LRCH3: variants seen among roughly 807,000 people sequenced by gnomAD.
LRCH3 encodes the protein leucine rich repeats and calponin homology domain containing 3, also known as DISP complex protein LRCH3.
Under a neutral mutation model 104.5 loss-of-function variants are expected in LRCH3, and 68 were observed. The ratio of observed to expected loss-of-function variants is 0.65; its 90% confidence interval spans 0.54 to 0.80. The LOEUF is 0.80. Among genes scored for constraint, LRCH3 ranks in the 30% least tolerant of loss-of-function variants. The probability of loss-of-function intolerance (pLI) is 0.00; values close to 1 mark genes in which losing one functional copy is unlikely to be tolerated. For synonymous variants in LRCH3, 344 were observed against 361.3 expected (o/e 0.95, Z 0.54); for missense variants, 951 against 953.9 (o/e 1.00, Z 0.04).
At chr3:197,882,556 T>C (rs1242722602) in intron 20 of LRCH3, 1 of 953,862 alleles carries the variant, frequency 1.0e-6, no homozygotes, top group African/African-American at 1.8e-5. Flanking sequence ...CAACTAGTTG[T>C]TTTAACAAAC....
At chr3:197,791,744 A>G (rs994335016) in intron 1 of LRCH3, among the ~76,000 whole-genome samples, 2 of 152,046 alleles carry the variant, frequency 1.3e-5, no homozygotes, top group Non-Finnish European at 2.9e-5. Flanking sequence ...GGGCGGCGGC[A>G]TCTCTCGGGG....
chr3:197,812,504 G>GTTTTTCTTTTTTTTTTTTTTT (rs1733253022), intron 1 of LRCH3, among the ~76,000 whole-genome samples: 1 of 48,956 alleles, frequency 2.0e-5, no homozygotes, highest in Non-Finnish European at 3.5e-5. Context: ...TCTGCTTTCA[G>GTTTTTCTTTTTTTTTTTTTTT]TTTTTTTTTT....
intron 1 of LRCH3, among the ~76,000 whole-genome samples, chr3:197,799,171 C>A (rs949335512): frequency 6.6e-6 from 1 of 152,188 alleles, no homozygotes; most frequent in African/African-American, 2.4e-5. Context: ...GTTCCTTTTA[C>A]AGTGGCTATA....
chr3:197,851,510 G>C (rs908689799), intron 12 of LRCH3, among the ~76,000 whole-genome samples: 1 of 152,186 alleles, frequency 6.6e-6, no homozygotes, highest in Non-Finnish European at 1.5e-5. Flanking sequence ...CCTAAGGGTT[G>C]GCAGTATTGC....
Position 197,831,852 on chromosome 3 carries a change from C to T in LRCH3, c.982-345C>T, listed in dbSNP as rs559814190. On this transcript the variant is annotated intron_variant, in intron 7 of 20. Transcript: ENST00000425562. ...CCCAGGCTAGTCTCAAACTCCTGGG[C>T]TTGTCATTCCCATCTTGGTCTCCCA... Among the ~76,000 whole-genome samples the T allele has an allele frequency of 2.3e-3, 343 of 152,156 alleles. 3 individuals are homozygous for T. The highest frequency in any genetic ancestry group is 3.6e-3 in the Non-Finnish European group (248 of 68,004).
In LRCH3 at chr3:197,888,118, A is replaced by G. The variant is rs549376874; in HGVS notation, c.*4452A>G. The stretch of plus-strand genomic sequence containing the variant: ...TGACTAATGATGTGTGACTATGCGA[A>G]TGAGTTTGATGAATTCGTAAAAACT... On this transcript the variant is annotated 3_prime_UTR_variant, in exon 21 of 21. Coordinates refer to ENST00000425562, the MANE Select transcript of LRCH3 (RefSeq NM_001365715.1). 2.0e-5 allele frequency: 3 copies of G among 152,360 alleles called. No individual in the cohort carries two copies. Among genetic ancestry groups the G allele is most frequent in the East Asian group, 1.9e-4 (1 of 5,190 alleles). The allele number at this position is 152,360 out of a possible 1,614,324, so 9.4% of individuals were successfully genotyped here.
intron 15 of LRCH3, among the ~76,000 whole-genome samples, chr3:197,865,140 A>G (rs1246466967): frequency 6.6e-6 from 1 of 152,084 alleles, no homozygotes; most frequent in East Asian, 1.9e-4. Flanking sequence ...GGAGCACACC[A>G]CAATGCCTGA....
chr3:197,820,513 A>G (rs1734365529), intron 4 of LRCH3, 83 bp downstream of exon 4: 2 of 951,870 alleles, frequency 2.1e-6, no homozygotes, highest in Non-Finnish European at 3.3e-6. Context: ...ACAAAAATGT[A>G]TAAGGGTTAC....
intron 1 of LRCH3, among the ~76,000 whole-genome samples, chr3:197,793,315 G>T (rs913677310): frequency 4.6e-5 from 7 of 152,148 alleles, no homozygotes; most frequent in Non-Finnish European, 1.0e-4. Context: ...CAGTTGAACT[G>T]AATATTTTTT....
rs201645357 is a variant in LRCH3 at position 197,814,925 on chromosome 3, C to T, written c.280C>T (p.Leu94Phe). The stretch of plus-strand genomic sequence containing the variant: ...TCTTTTAGACCTGTCGCGAAATCGC[C>T]TTTCAGAAATTCCTATAGAAGCATG... ...TTRADLSRNR[L>F]SEIPIEACHF... The change falls in exon 2 of 21, where the codon CTT (leucine) becomes TTT (phenylalanine). Residue 94 changes from leucine to phenylalanine, a missense_variant. Transcript: ENST00000425562. 464 of 1,594,220 alleles carry T rather than the reference C, an allele frequency of 2.9e-4. 2 individuals carry two copies. Among genetic ancestry groups the T allele is most frequent in the Non-Finnish European group, 3.5e-4 (406 of 1,173,750 alleles).
At chr3:197,795,828 G>A (rs908146211) in intron 1 of LRCH3, among the ~76,000 whole-genome samples, 33 of 151,470 alleles carry the variant, frequency 2.2e-4, no homozygotes, top group South Asian at 1.1e-3. Flanking sequence ...GAGTAGCTGG[G>A]ACTACAGGCG....
At chr3:197,825,821 G>A (rs1445783713) in intron 4 of LRCH3, among the ~76,000 whole-genome samples, 2 of 151,962 alleles carry the variant, frequency 1.3e-5, no homozygotes, top group Admixed American at 6.6e-5. Flanking sequence ...GTGTCATTTT[G>A]TGTTACCTTA....
intron 1 of LRCH3, among the ~76,000 whole-genome samples, chr3:197,809,711 T>C (rs1732907697): frequency 6.6e-6 from 1 of 152,104 alleles, no homozygotes; most frequent in South Asian, 2.1e-4. Flanking sequence ...CCATTGAGCT[T>C]TTTCTGTGTG....
chr3:197,829,467 C>G (rs1735641649), intron 5 of LRCH3, 97 bp from the exon 6 acceptor site: 3 of 658,208 alleles, frequency 4.6e-6, no homozygotes, highest in African/African-American at 1.8e-5. Context: ...GAAATGCCTC[C>G]CTTTCCCAAT....
intron 8 of LRCH3, among the ~76,000 whole-genome samples, chr3:197,834,950 C>G (rs12631301): frequency 6.6e-6 from 1 of 151,038 alleles, no homozygotes; most frequent in Non-Finnish European, 1.5e-5. Flanking sequence ...TGGAGACCAG[C>G]CTGGCCAACA....
At chr3:197,866,080 T>A (rs1425600082) in intron 16 of LRCH3, 32 bp from the exon 17 acceptor site, 1 of 1,486,796 alleles carries the variant, frequency 6.7e-7, no homozygotes, top group East Asian at 2.3e-5. Context: ...TTCATCTCCT[T>A]TAATCTCATT....
chr3:197,842,163 C>T lies in LRCH3; in HGVS notation c.1328+2766C>T, dbSNP rs968351521. Among the ~76,000 whole-genome samples the T allele has an allele frequency of 2.6e-5, 4 of 152,184 alleles. No homozygotes were observed. The South Asian group carries it at 6.2e-4, about 24-fold the overall frequency. ...ATGATTACTGTTTAACTCGGGGTTC[C>T]ATAGCACAGTCCTTGGATAAGAACT... On this transcript the variant is annotated intron_variant, in intron 10 of 20. Coordinates refer to ENST00000425562, the MANE Select transcript of LRCH3 (RefSeq NM_001365715.1).
chr3:197,832,558 A>T (rs1736099843), intron 8 of LRCH3, among the ~76,000 whole-genome samples: 1 of 152,172 alleles, frequency 6.6e-6, no homozygotes, highest in South Asian at 2.1e-4. Context: ...AGGAAACTTT[A>T]TTAGAGACAG....
At chr3:197,797,616 T>G (rs896036010) in intron 1 of LRCH3, among the ~76,000 whole-genome samples, 2 of 151,672 alleles carry the variant, frequency 1.3e-5, no homozygotes, top group Non-Finnish European at 2.9e-5. Context: ...ATCCCAGCAC[T>G]TTGGGAGGCC....
Sources: gnomAD v4.1 joint callset for allele counts (sites outside exome capture counted in the v4.1 genomes callset) on GRCh38, gnomAD v4.1.1 for gene constraint, MANE v1.5 for transcripts, NCBI Gene and HGNC (gene_info 2026-07-23, HGNC 2026-07-21) for gene names.